SMOC2: variants seen among roughly 807,000 people sequenced by gnomAD.
The protein encoded by SMOC2 is SPARC related modular calcium binding 2, also known as SPARC-related modular calcium-binding protein 2.
A neutral mutation model predicts 61.4 loss-of-function variants in SMOC2; 39 were observed. The observed-to-expected ratio is 0.64, with a 90% confidence interval of 0.49 to 0.83. The LOEUF (loss-of-function observed/expected upper bound fraction) is 0.83, where lower values mean the gene tolerates loss of function less well. SMOC2 is among the 40% of genes least tolerant of loss of function. The pLI, the probability that SMOC2 is intolerant of heterozygous loss-of-function variation, is 0.00. For missense variants in SMOC2, 556 were observed against 592.9 expected (o/e 0.94, Z 0.65); for synonymous variants, 247 against 239.9 (o/e 1.03, Z -0.27).
chr6:168,650,830 T>C, intron 10 of SMOC2, 47 bp downstream of exon 10: 1 of 1,539,080 alleles, frequency 6.5e-7, no homozygotes, highest in Non-Finnish European at 8.8e-7. Context: ...GGTCCCAGAA[T>C]TCTGGGGAAT....
chr6:168,471,238 A>G (rs556498795), intron 1 of SMOC2, among the ~76,000 whole-genome samples: 13 of 152,184 alleles, frequency 8.5e-5, no homozygotes, highest in Non-Finnish European at 1.5e-4. Context: ...CCTAGTAGCC[A>G]CCATTCTACT....
At chr6:168,615,080 G>T (rs1468926145) in intron 9 of SMOC2, among the ~76,000 whole-genome samples, 1 of 99,378 alleles carries the variant, frequency 1.0e-5, no homozygotes, top group Non-Finnish European at 2.1e-5. Context: ...CTTACAGCCG[G>T]CACAGGGCCT....
intron 11 of SMOC2, among the ~76,000 whole-genome samples, chr6:168,656,507 T>TAAAAAAAAAAAAA (rs5881805): frequency 1.2e-5 from 1 of 86,812 alleles, no homozygotes; most frequent in Non-Finnish European, 2.2e-5. Context: ...GACTTTGTGT[T>TAAAAAAAAAAAAA]AAAAAAAAAA....
intron 4 of SMOC2, among the ~76,000 whole-genome samples, chr6:168,536,849 G>A (rs1426422588): frequency 2.0e-5 from 3 of 152,220 alleles, no homozygotes; most frequent in Non-Finnish European, 4.4e-5. Context: ...ATGGGACCCG[G>A]TGAAGTCGGA....
intron 9 of SMOC2, among the ~76,000 whole-genome samples, chr6:168,632,546 G>A (rs1171010374): frequency 2.6e-5 from 4 of 152,256 alleles, no homozygotes; most frequent in East Asian, 1.9e-4. Flanking sequence ...CCTCCAGTAC[G>A]TACACAACCC....
At chr6:168,528,474 T>C (rs1230434505) in intron 4 of SMOC2, among the ~76,000 whole-genome samples, 1 of 152,260 alleles carries the variant, frequency 6.6e-6, no homozygotes, top group African/African-American at 2.4e-5. Context: ...AACTACAAAA[T>C]GTCTCTCCCT....
chr6:168,632,438 A>G (rs1786594216), intron 9 of SMOC2, among the ~76,000 whole-genome samples: 2 of 152,242 alleles, frequency 1.3e-5, no homozygotes, highest in African/African-American at 4.8e-5. Context: ...TATCAAAGGA[A>G]GTGCTTTCAC....
intron 1 of SMOC2, among the ~76,000 whole-genome samples, chr6:168,449,473 A>G (rs1781411178): frequency 6.6e-6 from 1 of 152,282 alleles, no homozygotes; most frequent in Non-Finnish European, 1.5e-5. Flanking sequence ...ATAATTTGAG[A>G]GATCTGGATG....
At chr6:168,636,987 C>T (rs575813788) in intron 9 of SMOC2, among the ~76,000 whole-genome samples, 1 of 149,940 alleles carries the variant, frequency 6.7e-6, no homozygotes, top group African/African-American at 2.5e-5. Context: ...TTTCCTCCCT[C>T]CTCCCGCCTC....
intron 7 of SMOC2, among the ~76,000 whole-genome samples, chr6:168,551,426 TA>T (rs1343903492): frequency 0.014 from 178 of 12,350 alleles, 1 homozygote; most frequent in African/African-American, 0.13. Context: ...TACTTTATTT[TA>T]TTTATTTATT....
intron 9 of SMOC2, among the ~76,000 whole-genome samples, chr6:168,623,474 C>A (rs73044077): frequency 0.16 from 22,891 of 139,640 alleles, 2,115 homozygotes; most frequent in Middle Eastern, 0.31. Context: ...ACACACCACC[C>A]CACCTGGCTT....
intron 7 of SMOC2, among the ~76,000 whole-genome samples, chr6:168,575,071 G>T (rs1454409191): frequency 6.6e-6 from 1 of 152,192 alleles, no homozygotes; most frequent in East Asian, 1.9e-4. Flanking sequence ...CCCTTGGTCT[G>T]GGAGGCGGGA....
chr6:168,653,622 C>T (rs1454953836), intron 11 of SMOC2, among the ~76,000 whole-genome samples: 1 of 136,016 alleles, frequency 7.4e-6, no homozygotes, highest in African/African-American at 2.8e-5. Flanking sequence ...CTCCTGAGCT[C>T]CAACCAAATG....
rs549511588 is a variant in SMOC2, at chr6:168,581,298, GTAAAA to G, written c.638-17518_638-17514del. ...TGAAGACAACATGCGTAAAAATTAA[GTAAAA>G]TCAATTCTAAAAAAAAAATGAAAAC... On this transcript the variant is annotated intron_variant, in intron 7 of 12. Transcript: ENST00000356284. Among the ~76,000 whole-genome samples, 155 of 152,198 alleles carry G rather than the reference GTAAAA, an allele frequency of 1.0e-3. 1 individual carries two copies. The highest frequency in any genetic ancestry group is 3.5e-3 in the African/African-American group (146 of 41,518).
rs113737585 is a variant in SMOC2, at chr6:168,606,720, G to A, written c.825-1437G>A. On this transcript the variant is annotated intron_variant, in intron 8 of 12. Transcript: ENST00000356284. Reference sequence around the variant, plus strand: ...GGGAGAGGATGAGAACTGGCGGAACGCTGGCCTCCTGACAACCTCAGGGCT... The same window carrying A: ...GGGAGAGGATGAGAACTGGCGGAACACTGGCCTCCTGACAACCTCAGGGCT... Among the ~76,000 whole-genome samples the A allele has an allele frequency of 5.0e-3, 755 of 152,254 alleles. 7 individuals are homozygous for A. The highest frequency in any genetic ancestry group is 0.016 in the African/African-American group (684 of 41,542).
chr6:168,662,566 C>T (rs1372217450), intron 11 of SMOC2, among the ~76,000 whole-genome samples: 1 of 152,232 alleles, frequency 6.6e-6, no homozygotes, highest in African/African-American at 2.4e-5. Flanking sequence ...CCGCCTCCAG[C>T]ATAGCCCAGA....
At chr6:168,506,906 T>C (rs1164837186) in intron 1 of SMOC2, among the ~76,000 whole-genome samples, 1 of 152,270 alleles carries the variant, frequency 6.6e-6, no homozygotes, top group African/African-American at 2.4e-5. Flanking sequence ...ATGGGCTGTT[T>C]ATTAATGAGC....
chr6:168,636,415 G>A (rs1004272129), intron 9 of SMOC2, among the ~76,000 whole-genome samples: 1 of 152,222 alleles, frequency 6.6e-6, no homozygotes, highest in African/African-American at 2.4e-5. Context: ...CTAAATGTAT[G>A]CACTTTATTT....
chr6:168,519,288 C>T (rs536610032), intron 2 of SMOC2, among the ~76,000 whole-genome samples: 4 of 152,134 alleles, frequency 2.6e-5, no homozygotes, highest in South Asian at 4.2e-4. Flanking sequence ...CATTAGTGTC[C>T]GTGATTCTTT....
Sources: allele counts gnomAD v4.1 joint callset (sites outside exome capture counted in the v4.1 genomes callset), GRCh38; gene constraint gnomAD v4.1.1; transcripts MANE v1.5; gene names NCBI Gene and HGNC (gene_info 2026-07-23, HGNC 2026-07-21).